DCTN5: variants seen among roughly 807,000 people sequenced by gnomAD.
DCTN5 encodes the protein dynactin subunit 5.
DCTN5 carries 14 observed loss-of-function variants against 23.5 expected under a neutral mutation model. The observed-to-expected ratio is 0.60, with a 90% confidence interval of 0.39 to 0.93. DCTN5 has a LOEUF of 0.93. DCTN5 is among the 40% of genes least tolerant of loss of function. The pLI, the probability that DCTN5 is intolerant of heterozygous loss-of-function variation, is 0.00. For missense variants in DCTN5, 156 were observed against 225.9 expected (o/e 0.69, Z 1.98); for synonymous variants, 67 against 79.6 (o/e 0.84, Z 0.84).
At chr16:23,645,488 C>G (rs1391868160) in intron 2 of DCTN5, among the ~76,000 whole-genome samples, 1 of 152,062 alleles carries the variant, frequency 6.6e-6, no homozygotes, top group Non-Finnish European at 1.5e-5. Flanking sequence ...GCAACCATCT[C>G]CACTATCCAT....
chr16:23,665,880 C>A, intron 5 of DCTN5, 152 bp downstream of exon 5: 1 of 638,056 alleles, frequency 1.6e-6, no homozygotes, highest in Non-Finnish European at 2.7e-6. Context: ...AGAAATGCTA[C>A]CTAACATATA....
rs1243703167 is a variant in DCTN5 at position 23,669,368 on chromosome 16, G to T, written c.*2224G>T. 6.6e-6 allele frequency: 1 copy of T among 152,216 alleles called. No homozygotes were observed. Among genetic ancestry groups the T allele is most frequent in the African/African-American group, 2.4e-5 (1 of 41,418 alleles). The allele number at this position is 152,216 out of a possible 1,614,324, so 9.4% of individuals were successfully genotyped here. ...TCTCAGCTCTGCTTTCATTTGAGTT[G>T]GCTTTATTCTTGGGCTTCACAGTGT... On this transcript the variant is annotated 3_prime_UTR_variant, in exon 6 of 6. Coordinates refer to ENST00000300087, the MANE Select transcript of DCTN5 (RefSeq NM_032486.4).
chr16:23,649,930 T>C (rs1967564232), intron 2 of DCTN5, among the ~76,000 whole-genome samples: 1 of 152,124 alleles, frequency 6.6e-6, no homozygotes. Flanking sequence ...GATATGCTGT[T>C]TTCCCAGCAC....
At chr16:23,644,214 A>G (rs1021757643) in intron 2 of DCTN5, among the ~76,000 whole-genome samples, 1 of 149,830 alleles carries the variant, frequency 6.7e-6, no homozygotes, top group Non-Finnish European at 1.5e-5. Flanking sequence ...TGCAACTTCC[A>G]CCTCCTGGCA....
intron 2 of DCTN5, chr16:23,651,164 T>C (rs1357450376): frequency 8.8e-7 from 1 of 1,138,974 alleles, no homozygotes; most frequent in African/African-American, 1.6e-5. Context: ...TTTGCAAGTA[T>C]AGTCCTTCAA....
chr16:23,676,561 A>C lies in DCTN5; in HGVS notation c.*9417A>C, dbSNP rs1317842355. The C allele has an allele frequency of 6.6e-6, 1 of 152,238 alleles. No individual in the cohort carries two copies. The highest frequency in any genetic ancestry group is 1.9e-4 in the East Asian group (1 of 5,190). 9.4% of individuals were successfully genotyped at this position (152,238 alleles called of 1,614,324 possible). A position where few individuals can be genotyped will look rare whatever the true frequency, so the allele number is the denominator to read the frequency against. ...GACAGAGCAAGACTCCATCTCAACAACAACAACAAAAAGGAATTAAGGAGG... is the reference window on the plus strand; with the variant it reads ...GACAGAGCAAGACTCCATCTCAACACCAACAACAAAAAGGAATTAAGGAGG... On this transcript the variant is annotated 3_prime_UTR_variant, in exon 6 of 6. Coordinates refer to ENST00000300087, the MANE Select transcript of DCTN5 (RefSeq NM_032486.4).
At chr16:23,645,185 A>G (rs1967431954) in intron 2 of DCTN5, among the ~76,000 whole-genome samples, 1 of 129,806 alleles carries the variant, frequency 7.7e-6, no homozygotes, top group Non-Finnish European at 1.6e-5. Context: ...CCCAGGCTGG[A>G]GTGCAATGGC....
chr16:23,676,924 T>A lies in DCTN5; in HGVS notation c.*9780T>A, dbSNP rs1191541138. On this transcript the variant is annotated 3_prime_UTR_variant, in exon 6 of 6. Transcript: ENST00000300087. ...CAAACAATGTGGGTTATGCCCAACA[T>A]CTGCTTTCCTTCTGGGAGTCAGATT... 1 of 152,218 alleles carries A rather than the reference T, an allele frequency of 6.6e-6. No individual in the cohort carries two copies. Among genetic ancestry groups the A allele is most frequent in the Non-Finnish European group, 1.5e-5 (1 of 68,046 alleles). 9.4% of individuals were successfully genotyped at this position (152,218 alleles called of 1,614,324 possible).
chr16:23,657,341 A>G (rs1967723908), intron 2 of DCTN5: 1 of 268,668 alleles, frequency 3.7e-6, no homozygotes, highest in Non-Finnish European at 7.5e-6. Context: ...CTGTAGTCCC[A>G]GCTGCACAGA....
At chr16:23,657,230 T>C (rs1358356035) in intron 2 of DCTN5, among the ~76,000 whole-genome samples, 1 of 152,106 alleles carries the variant, frequency 6.6e-6, no homozygotes, top group Non-Finnish European at 1.5e-5. Flanking sequence ...AGTTGGAGGA[T>C]TGATTGCATG....
chr16:23,655,382 T>A, intron 2 of DCTN5, among the ~76,000 whole-genome samples: 1 of 152,228 alleles, frequency 6.6e-6, no homozygotes, highest in African/African-American at 2.4e-5. Flanking sequence ...CTTACTTATT[T>A]ATTTTTTCTT....
intron 2 of DCTN5, among the ~76,000 whole-genome samples, chr16:23,646,104 G>GT (rs985889957): frequency 7.3e-5 from 11 of 151,638 alleles, no homozygotes; most frequent in Admixed American, 3.3e-4. Flanking sequence ...TTATTTTCTG[G>GT]TTTTTTTTGG....
At chr16:23,648,136 T>A (rs992620283) in intron 2 of DCTN5, among the ~76,000 whole-genome samples, 1 of 151,978 alleles carries the variant, frequency 6.6e-6, no homozygotes, top group African/African-American at 2.4e-5. Context: ...TAAAAATCTT[T>A]ATTTATTTGT....
chr16:23,661,659 A>G (rs1967813977), intron 4 of DCTN5, among the ~76,000 whole-genome samples: 5 of 152,100 alleles, frequency 3.3e-5, no homozygotes, highest in African/African-American at 1.2e-4. Context: ...CGGAGGTTGC[A>G]ATGAGCCAAG....
intron 2 of DCTN5, among the ~76,000 whole-genome samples, chr16:23,644,331 C>T (rs189224485): frequency 2.9e-5 from 4 of 136,372 alleles, no homozygotes; most frequent in South Asian, 4.7e-4. Flanking sequence ...GATGGAGTCT[C>T]GCCCTGTTGC....
chr16:23,649,693 A>G (rs1216452180), intron 2 of DCTN5, among the ~76,000 whole-genome samples: 1 of 152,050 alleles, frequency 6.6e-6, no homozygotes, highest in Non-Finnish European at 1.5e-5. Context: ...AATAGAAAAA[A>G]TTAGCTGGGT....
At chr16:23,648,592 C>T (rs1481323654) in intron 2 of DCTN5, among the ~76,000 whole-genome samples, 11 of 151,630 alleles carry the variant, frequency 7.3e-5, no homozygotes, top group South Asian at 2.1e-4. Context: ...TCAAGTATTC[C>T]GCCTGCCTCG....
chr16:23,656,665 A>G (rs1241390825), intron 2 of DCTN5, among the ~76,000 whole-genome samples: 1 of 151,848 alleles, frequency 6.6e-6, no homozygotes, highest in East Asian at 1.9e-4. Context: ...ATATATTTTT[A>G]CTATTTATTT....
chr16:23,644,978 C>T lies in DCTN5; in HGVS notation c.117+1955C>T, dbSNP rs1255272455. The stretch of plus-strand genomic sequence containing the variant: ...TATTTTTAGTAGAGGCAGGGTTTTG[C>T]CACGTTGGCCAGGCTGGTCTCAAAC... On this transcript the variant is annotated intron_variant, in intron 2 of 5. Coordinates refer to ENST00000300087, the MANE Select transcript of DCTN5 (RefSeq NM_032486.4). Among the ~76,000 whole-genome samples, 5 of 146,596 alleles carry T rather than the reference C, an allele frequency of 3.4e-5. 1 individual carries two copies. Among genetic ancestry groups the T allele is most frequent in the African/African-American group, 7.5e-5 (3 of 39,798 alleles).
Sources: allele counts gnomAD v4.1 joint callset (sites outside exome capture counted in the v4.1 genomes callset), GRCh38; gene constraint gnomAD v4.1.1; transcripts MANE v1.5; gene names NCBI Gene and HGNC (gene_info 2026-07-23, HGNC 2026-07-21).